TM6SF1: variants seen among roughly 807,000 people sequenced by gnomAD.
The protein encoded by TM6SF1 is transmembrane 6 superfamily member 1.
Under a neutral mutation model 47.1 loss-of-function variants are expected in TM6SF1, and 43 were observed. The ratio of observed to expected loss-of-function variants is 0.91; its 90% CI spans 0.72 to 1.18. The LOEUF (loss-of-function observed/expected upper bound fraction) is 1.18, where lower values mean the gene tolerates loss of function less well. Among genes scored for constraint, TM6SF1 ranks in the 50% most tolerant of loss-of-function variants. The pLI is 0.00. For synonymous variants in TM6SF1, 177 were observed against 166.3 expected (o/e 1.06, Z -0.49); for missense variants, 390 against 449.0 (o/e 0.87, Z 1.19).
chr15:83,121,921 G>C lies in TM6SF1; in HGVS notation c.399G>C (p.Glu133Asp). ...GATTTTTTTGTTGTTGTTGTTACAG[G>C]GAAACTTATAGAACCATTGGCCTAT... ...YLVMVAAIAW[E>D]ETYRTIGLYW... Residue 133 changes from glutamate to aspartate, a missense_variant and splice_region_variant, in exon 5 of 10, where the codon GAG (glutamate) becomes GAC (aspartate). By Grantham distance (45) the Glu-to-Asp change is conservative (BLOSUM62 2). Transcript: ENST00000322019. The C allele has an allele frequency of 6.3e-7, 1 of 1,596,628 alleles. No individual in the cohort carries two copies. The highest frequency in any genetic ancestry group is 8.5e-7 in the Non-Finnish European group (1 of 1,175,702).
At chr15:83,110,201 TGAGA>T (rs769884706) in intron 1 of TM6SF1, among the ~76,000 whole-genome samples, 10 of 152,172 alleles carry the variant, frequency 6.6e-5, no homozygotes, top group Admixed American at 2.0e-4. Flanking sequence ...CCTCTCTCAC[TGAGA>T]GAGACACACT....
chr15:83,120,055 C>A (rs1299783436), intron 4 of TM6SF1: 2 of 222,188 alleles, frequency 9.0e-6, no homozygotes, highest in African/African-American at 4.5e-5. Context: ...CCAGATCAGG[C>A]ACAGCTCTGC....
intron 9 of TM6SF1, chr15:83,134,214 G>C (rs535761910): frequency 6.6e-6 from 1 of 151,774 alleles, no homozygotes; most frequent in Non-Finnish European, 1.5e-5. Flanking sequence ...TCTAATCTAA[G>C]GACATGAATC....
intron 7 of TM6SF1, 144 bp downstream of exon 7, chr15:83,124,920 C>T (rs2035595726): frequency 2.9e-6 from 2 of 693,762 alleles, no homozygotes; most frequent in Non-Finnish European, 4.8e-6. Flanking sequence ...GCCTGGAGCC[C>T]TGGACCTGCT....
Position 83,127,380 on chromosome 15 carries a change from C to T in TM6SF1, c.824C>T (p.Ser275Phe). Reference protein sequence around the residue: ...KIQMLAYMFYSVPYFVTALYG... With the variant: ...KIQMLAYMFYFVPYFVTALYG... ...CAGATGCTGGCATATATGTTCTATT[C>T]TGTTCCTTACTTTGTGACTGCACTG... The change falls in exon 9 of 10, where the codon TCT becomes TTT. Residue 275 changes from serine (S) to phenylalanine (F), a missense_variant. By Grantham distance (155) the Ser-to-Phe change is radical. Coordinates refer to ENST00000322019, the MANE Select transcript of TM6SF1 (RefSeq NM_023003.5). 1 of 1,613,814 alleles carries T rather than the reference C, an allele frequency of 6.2e-7. No individual in the cohort carries two copies.
chr15:83,136,601 C>T lies in TM6SF1; in HGVS notation c.1042C>T (p.Leu348Phe). 1 of 1,613,562 alleles carries T rather than the reference C, an allele frequency of 6.2e-7. No homozygotes were observed. The highest frequency in any genetic ancestry group is 8.5e-7 in the Non-Finnish European group (1 of 1,179,814). ...LNIAYGVLPQ[L>F]LAYRCIYKPE... ...CATAGCATATGGAGTTCTTCCTCAG[C>T]TCTTGGCCTATCGTTGTATCTACAA... is the stretch of plus-strand genomic sequence containing the variant. The change falls in exon 10 of 10, where the codon CTC (leucine) becomes TTC (phenylalanine). Residue 348 changes from leucine to phenylalanine, a missense_variant. Physicochemically the swap from Leu to Phe is conservative, Grantham distance 22 (BLOSUM62 0). Transcript: ENST00000322019.
intron 9 of TM6SF1, 157 bp from the exon 10 acceptor site, chr15:83,136,324 C>A: frequency 2.1e-6 from 1 of 487,494 alleles, no homozygotes. Flanking sequence ...AAGACTCTGA[C>A]ATTAAAGACT....
intron 4 of TM6SF1, among the ~76,000 whole-genome samples, chr15:83,120,855 C>T (rs989423837): frequency 6.6e-6 from 1 of 151,546 alleles, no homozygotes; most frequent in Admixed American, 6.6e-5. Context: ...CGTGAACCAC[C>T]GTGCCCGGCT....
chr15:83,124,827 C>T, intron 7 of TM6SF1, 51 bp downstream of exon 7: 1 of 1,408,252 alleles, frequency 7.1e-7, no homozygotes, highest in Non-Finnish European at 1.0e-6. Flanking sequence ...ACTCACATTT[C>T]CAAATGGAAA....
chr15:83,111,456 T>C (rs1214851682), intron 1 of TM6SF1: 1 of 185,408 alleles, frequency 5.4e-6, no homozygotes, highest in Admixed American at 6.5e-5. Context: ...CATCTATCCA[T>C]CCTTTCATCC....
intron 4 of TM6SF1, among the ~76,000 whole-genome samples, chr15:83,121,609 C>T (rs2035251156): frequency 6.6e-6 from 1 of 152,118 alleles, no homozygotes; most frequent in Non-Finnish European, 1.5e-5. Flanking sequence ...TCCTTTCATG[C>T]TGTTGAGTTT....
Position 83,115,878 on chromosome 15 carries a change from A to G in TM6SF1, c.230A>G (p.Asn77Ser). 1 of 1,614,150 alleles carries G rather than the reference A, an allele frequency of 6.2e-7. No individual in the cohort carries two copies. The highest frequency in any genetic ancestry group is 8.5e-7 in the Non-Finnish European group (1 of 1,180,008). ...YAVFGFTSVV[N>S]LIIGLEQDGI... ...GTTTTTGGATTTACCAGCGTGGTGA[A>G]CCTCATCATAGGACTGGAGCAAGAT... The change falls in exon 3 of 10, where the codon AAC becomes AGC. Residue 77 changes from asparagine to serine, a missense_variant. Coordinates refer to ENST00000322019, the MANE Select transcript of TM6SF1 (RefSeq NM_023003.5).
chr15:83,121,540 CATACTT>C (rs544944655), intron 4 of TM6SF1, among the ~76,000 whole-genome samples: 29 of 152,268 alleles, frequency 1.9e-4, no homozygotes, highest in Middle Eastern at 3.4e-3. Flanking sequence ...AAGTATAACT[CATACTT>C]ATAATGATTA....
At chr15:83,119,278 T>C (rs1340374735) in intron 3 of TM6SF1, among the ~76,000 whole-genome samples, 1 of 152,246 alleles carries the variant, frequency 6.6e-6, no homozygotes, top group Non-Finnish European at 1.5e-5. Context: ...GAGTTTGCCA[T>C]ACAGCCAGGA....
Position 83,126,777 on chromosome 15 carries a change from A to G in TM6SF1, c.731A>G (p.Glu244Gly), listed in dbSNP as rs766041583. 1.2e-6 allele frequency: 2 copies of G among 1,613,636 alleles called. No homozygotes were observed. Among genetic ancestry groups the G allele is most frequent in the South Asian group, 2.2e-5 (2 of 90,976 alleles). The part of the protein sequence containing the change: ...RGLIALDCPS[E>G]LCRLYTQFQE... ...TAGATTGCTTTGGATTGCCCATCTG[A>G]GCTCTGCCGATTATATACGCAATTT... is the stretch of plus-strand genomic sequence containing the variant. The change falls in exon 8 of 10, where the codon GAG becomes GGG. Residue 244 changes from glutamate (E) to glycine (G), a missense_variant. Coordinates refer to ENST00000322019, the MANE Select transcript of TM6SF1 (RefSeq NM_023003.5).
chr15:83,124,350 C>T (rs188094378), intron 6 of TM6SF1, among the ~76,000 whole-genome samples: 7 of 152,064 alleles, frequency 4.6e-5, no homozygotes, highest in South Asian at 4.2e-4. Flanking sequence ...AGTATACCAA[C>T]GGTTAATAGT....
At chr15:83,119,345 T>C (rs1209753693) in intron 3 of TM6SF1, among the ~76,000 whole-genome samples, 3 of 152,258 alleles carry the variant, frequency 2.0e-5, no homozygotes, top group Admixed American at 6.5e-5. Context: ...TGATGCATCA[T>C]GGGCCAATTG....
intron 4 of TM6SF1, among the ~76,000 whole-genome samples, chr15:83,120,327 C>T (rs893459351): frequency 9.9e-5 from 15 of 152,216 alleles, no homozygotes; most frequent in African/African-American, 9.7e-5. Flanking sequence ...CTGAAGTGAA[C>T]GACGTGCTCT....
chr15:83,112,229 G>C (rs573310041), intron 1 of TM6SF1, among the ~76,000 whole-genome samples: 1 of 152,288 alleles, frequency 6.6e-6, no homozygotes, highest in Admixed American at 6.5e-5. Flanking sequence ...CTTCATTCTG[G>C]CCTCAGGTCT....
Sources: gnomAD v4.1 joint callset for allele counts (sites outside exome capture counted in the v4.1 genomes callset) on GRCh38, gnomAD v4.1.1 for gene constraint, MANE v1.5 for transcripts, NCBI Gene and HGNC (gene_info 2026-07-23, HGNC 2026-07-21) for gene names.